ITGA8: variants seen among roughly 807,000 people sequenced by gnomAD.
ITGA8 encodes integrin subunit alpha 8.
A neutral mutation model predicts 142.3 loss-of-function variants in ITGA8; 91 were observed. That is an observed-to-expected ratio of 0.64 (90% CI 0.54 to 0.76). ITGA8 has a LOEUF of 0.76. ITGA8 is among the 30% of genes least tolerant of loss of function. The probability of loss-of-function intolerance (pLI) is 0.00; values close to 1 mark genes in which losing one functional copy is unlikely to be tolerated. For missense variants in ITGA8, 1,406 were observed against 1,327.7 expected (o/e 1.06, Z -0.92); for synonymous variants, 505 against 485.2 (o/e 1.04, Z -0.54).
chr10:15,556,467 G>C (rs1388283255), intron 26 of ITGA8, among the ~76,000 whole-genome samples: 1 of 152,128 alleles, frequency 6.6e-6, no homozygotes, highest in Admixed American at 6.6e-5. Flanking sequence ...GTACGTGCTT[G>C]GTCTGTGCCC....
chr10:15,540,117 T>C (rs1185693843), intron 27 of ITGA8, among the ~76,000 whole-genome samples: 1 of 152,224 alleles, frequency 6.6e-6, no homozygotes, highest in African/African-American at 2.4e-5. Flanking sequence ...AGGTATGTTT[T>C]CATTAGCAGC....
chr10:15,583,157 T>C (rs1025372040), intron 23 of ITGA8, among the ~76,000 whole-genome samples: 10 of 152,190 alleles, frequency 6.6e-5, no homozygotes, highest in African/African-American at 2.4e-4. Context: ...ATGTGGCACA[T>C]ATACAATGTG....
chr10:15,608,414 C>T, intron 15 of ITGA8, 124 bp from the exon 16 acceptor site: 1 of 592,344 alleles, frequency 1.7e-6, no homozygotes, highest in South Asian at 2.1e-5. Context: ...CACACACACA[C>T]ACACACACAC....
At chr10:15,643,636 G>T (rs917833413) in intron 13 of ITGA8, among the ~76,000 whole-genome samples, 2 of 152,132 alleles carry the variant, frequency 1.3e-5, no homozygotes, top group Non-Finnish European at 2.9e-5. Context: ...GACACGTTGA[G>T]GTTCATGCTA....
chr10:15,551,914 A>G (rs17137444), intron 26 of ITGA8, among the ~76,000 whole-genome samples: 8,419 of 152,246 alleles, frequency 0.055, 756 homozygotes, highest in African/African-American at 0.19. Context: ...ATGGAAATCA[A>G]GAACTGCCTT....
chr10:15,698,847 C>T (rs1835105231), intron 2 of ITGA8, among the ~76,000 whole-genome samples: 1 of 152,134 alleles, frequency 6.6e-6, no homozygotes, highest in African/African-American at 2.4e-5. Flanking sequence ...AAGATGTTCT[C>T]CCGCTCTGTG....
chr10:15,555,727 G>A lies in ITGA8; in HGVS notation c.2766+2347C>T, dbSNP rs566250194. ...TTTTTTTTTTTTGAGACGGAGTCTCGCTCTGTTGCCCAGGCTGGAGTGCAG... is the reference window on the plus strand; with the variant it reads ...TTTTTTTTTTTTGAGACGGAGTCTCACTCTGTTGCCCAGGCTGGAGTGCAG... On this transcript the variant is annotated intron_variant, in intron 26 of 29. Coordinates refer to ENST00000378076, the MANE Select transcript of ITGA8 (RefSeq NM_003638.3). Among the ~76,000 whole-genome samples, 24 of 149,896 alleles carry A rather than the reference G, an allele frequency of 1.6e-4. No individual in the cohort carries two copies. The South Asian group carries it at 3.8e-3, about 24-fold the overall frequency.
At chr10:15,678,469 A>C (rs1171453600) in intron 5 of ITGA8, among the ~76,000 whole-genome samples, 1 of 152,212 alleles carries the variant, frequency 6.6e-6, no homozygotes, top group Non-Finnish European at 1.5e-5. Context: ...GATCAGAAGA[A>C]AGGCTGTTGC....
At chr10:15,554,208 C>T (rs887529756) in intron 26 of ITGA8, among the ~76,000 whole-genome samples, 2 of 152,020 alleles carry the variant, frequency 1.3e-5, no homozygotes, top group African/African-American at 4.8e-5. Flanking sequence ...TTAGGACTTC[C>T]GCAGCTCCCT....
In ITGA8 at chr10:15,519,225, G is replaced by C; in HGVS notation, c.3105+65C>G. On this transcript the variant is annotated intron_variant, in intron 29 of 29. Coordinates refer to ENST00000378076, the MANE Select transcript of ITGA8 (RefSeq NM_003638.3). ...TAATTGTCTTTTAAAATCCCTAACT[G>C]TATCCCTCTAAATTCCCTCAACAGC... The C allele has an allele frequency of 1.9e-6, 3 of 1,577,672 alleles. No homozygotes were observed. The Admixed American group carries it at 5.4e-5, about 28-fold the overall frequency.
intron 28 of ITGA8, among the ~76,000 whole-genome samples, chr10:15,530,477 C>A (rs887629000): frequency 5.1e-5 from 7 of 137,368 alleles, no homozygotes; most frequent in African/African-American, 1.9e-4. Context: ...ACCTCGGAGG[C>A]AACGGTTGCA....
At chr10:15,542,970 G>C (rs1465653338) in intron 27 of ITGA8, among the ~76,000 whole-genome samples, 1 of 152,150 alleles carries the variant, frequency 6.6e-6, no homozygotes, top group Non-Finnish European at 1.5e-5. Flanking sequence ...TTTAGATGTA[G>C]TCTGTCTCGG....
chr10:15,683,156 A>G (rs2131702123), intron 4 of ITGA8, among the ~76,000 whole-genome samples: 2 of 152,254 alleles, frequency 1.3e-5, no homozygotes, highest in East Asian at 3.9e-4. Flanking sequence ...GGTCTTGTGA[A>G]TTATCAACAA....
chr10:15,614,883 G>T (rs927795202), intron 14 of ITGA8, among the ~76,000 whole-genome samples: 2 of 152,108 alleles, frequency 1.3e-5, no homozygotes, highest in South Asian at 4.1e-4. Flanking sequence ...TGATAAAACG[G>T]AACTAGATAT....
rs781209485 is a variant in ITGA8, at chr10:15,647,016, A to T, written c.1037T>A (p.Met346Lys). The stretch of plus-strand genomic sequence containing the variant: ...GGGGTTGCTCTCAAATTCACGTTCC[A>T]TAAAGAGAGGTGCCCCAACCAGGAC... ...DDVLVGAPLF[M>K]EREFESNPRE... Residue 346 changes from methionine (M) to lysine (K), a missense_variant, in exon 12 of 30, where the codon ATG (methionine) becomes AAG (lysine). By Grantham distance (95) the Met-to-Lys change is moderately conservative. Coordinates refer to ENST00000378076, the MANE Select transcript of ITGA8 (RefSeq NM_003638.3). 1 of 1,613,898 alleles carries T rather than the reference A, an allele frequency of 6.2e-7. No individual in the cohort carries two copies. The highest frequency in any genetic ancestry group is 8.5e-7 in the Non-Finnish European group (1 of 1,180,030).
intron 8 of ITGA8, among the ~76,000 whole-genome samples, chr10:15,665,349 T>A (rs1834368250): frequency 6.6e-6 from 1 of 152,246 alleles, no homozygotes; most frequent in Non-Finnish European, 1.5e-5. Context: ...CTTCGCCCAC[T>A]TTTTGATGGG....
At chr10:15,546,626 T>A (rs771279358) in intron 27 of ITGA8, among the ~76,000 whole-genome samples, 52 of 151,626 alleles carry the variant, frequency 3.4e-4, no homozygotes, top group Non-Finnish European at 6.9e-4. Context: ...CACAGCGCGA[T>A]CTGGTCTAAA....
chr10:15,603,087 C>A (rs1833131912), intron 20 of ITGA8, among the ~76,000 whole-genome samples: 2 of 151,532 alleles, frequency 1.3e-5, no homozygotes, highest in Admixed American at 6.6e-5. Flanking sequence ...TTTTAAATGA[C>A]TGTTAAAGAT....
At chr10:15,696,080 A>G (rs974057794) in intron 2 of ITGA8, among the ~76,000 whole-genome samples, 1 of 152,210 alleles carries the variant, frequency 6.6e-6, no homozygotes, top group Non-Finnish European at 1.5e-5. Context: ...GCTGACTGAC[A>G]TGGGACAACG....
Sources: gnomAD v4.1 joint callset for allele counts (sites outside exome capture counted in the v4.1 genomes callset) on GRCh38, gnomAD v4.1.1 for gene constraint, MANE v1.5 for transcripts, NCBI Gene and HGNC (gene_info 2026-07-23, HGNC 2026-07-21) for gene names.